The following PSMG4 variants were observed in gnomAD, a reference collection of about 807,000 sequenced individuals.
The protein encoded by PSMG4 is proteasome (prosome, macropain) assembly chaperone 4.
In PSMG4, 10 loss-of-function variants were observed where a neutral mutation model predicts 11.0. That is an observed-to-expected ratio of 0.91 (90% CI 0.56 to 1.54). The LOEUF (loss-of-function observed/expected upper bound fraction) is 1.54, where lower values mean the gene tolerates loss of function less well. Ranked by LOEUF, PSMG4 falls within the 40% of genes most tolerant of loss-of-function variation. The probability of loss-of-function intolerance (pLI) is 0.00; values close to 1 mark genes in which losing one functional copy is unlikely to be tolerated. For missense variants in PSMG4, 198 were observed against 160.9 expected (o/e 1.23, Z -1.25); for synonymous variants, 95 against 71.3 (o/e 1.33, Z -1.68).
Position 3,260,291 on chromosome 6 carries a change from A to ATTTTTTTTTTTTTTTTTTT in PSMG4, c.174+1113_174+1114insTTTTTTTTTTTTTTTTTTT, listed in dbSNP as rs869076629. Among the ~76,000 whole-genome samples, 16 of 70,864 alleles carry ATTTTTTTTTTTTTTTTTTT rather than the reference A, an allele frequency of 2.3e-4. 1 individual carries two copies. Among genetic ancestry groups the ATTTTTTTTTTTTTTTTTTT allele is most frequent in the East Asian group, 4.6e-4 (1 of 2,190 alleles). 46.5% of individuals were successfully genotyped at this position (70,864 alleles called of 152,430 possible). On this transcript the variant is annotated intron_variant, in intron 1 of 2. Transcript: ENST00000438998. ...TGTCTTAAATTGTATATATATATATATTTTTTTTTTTTTTTTTTGAAGCAA... is the reference window on the plus strand; with the variant it reads ...TGTCTTAAATTGTATATATATATATATTTTTTTTTTTTTTTTTTTTTTTTTTTTTTTTTTTTTGAAGCAA...
upstream of PSMG4, chr6:3,255,193 A>G (rs1757716652): frequency 1.9e-6 from 3 of 1,550,460 alleles, no homozygotes; most frequent in Middle Eastern, 1.7e-4. Flanking sequence ...TGGTGGAAGT[A>G]GGATGTTTGG....
At chr6:3,267,046 G>A (rs1249002292) in intron 2 of PSMG4, 6 of 152,042 alleles carry the variant, frequency 3.9e-5, no homozygotes, top group African/African-American at 7.2e-5. Context: ...TAGTAGAGAC[G>A]GGGTTTCAAC....
At chr6:3,264,628 C>T (rs76636348) in intron 2 of PSMG4, 119 of 264,964 alleles carry the variant, frequency 4.5e-4, no homozygotes, top group African/African-American at 2.4e-3. Context: ...AGGGAGGGCA[C>T]AGGTCAGCAT....
upstream of PSMG4, chr6:3,255,330 G>C (rs1304173090): frequency 3.4e-6 from 5 of 1,486,006 alleles, no homozygotes; most frequent in East Asian, 1.2e-4. Flanking sequence ...ACGGCAACTG[G>C]TGGAGTCATT....
At chr6:3,255,693 G>A (rs9503500), upstream of PSMG4, among the ~76,000 whole-genome samples, 8,480 of 152,272 alleles carry the variant, frequency 0.056, 656 homozygotes, top group African/African-American at 0.17. Context: ...TCCCTCCTAT[G>A]GCCAAAAGCA....
intron 2 of PSMG4, chr6:3,264,004 T>TGTCCTTGA: frequency 7.6e-7 from 1 of 1,316,804 alleles, no homozygotes; most frequent in South Asian, 1.5e-5. Context: ...TCCTTGGGTG[T>TGTCCTTGA]GTCCTTGAGT....
upstream of PSMG4, chr6:3,255,272 C>T (rs975528281): frequency 1.6e-5 from 25 of 1,542,948 alleles, no homozygotes; most frequent in African/African-American, 5.5e-5. Flanking sequence ...CCACGGCTGT[C>T]TTACGGGTCT....
chr6:3,255,430 C>T (rs1027775506), upstream of PSMG4, among the ~76,000 whole-genome samples: 21 of 143,158 alleles, frequency 1.5e-4, no homozygotes, highest in African/African-American at 4.6e-4. Flanking sequence ...ACACTCCAGC[C>T]ACATGCCCCT....
chr6:3,259,739 C>T (rs1198030441), intron 1 of PSMG4, among the ~76,000 whole-genome samples: 1 of 152,180 alleles, frequency 6.6e-6, no homozygotes, highest in African/African-American at 2.4e-5. Flanking sequence ...TGCTGAGTCC[C>T]TAGGCACTGC....
chr6:3,255,233 A>G, upstream of PSMG4: 2 of 1,549,440 alleles, frequency 1.3e-6, no homozygotes, highest in South Asian at 2.4e-5. Flanking sequence ...AACTCTGGTA[A>G]GCCTTCCATG....
Position 3,263,642 on chromosome 6 carries a change from G to A in PSMG4, c.175-42G>A, listed in dbSNP as rs954991689. The stretch of plus-strand genomic sequence containing the variant: ...AAGCCAGAAGTGTGGCTGGCCTGCG[G>A]GGGGTGGAGAAGCTGCAGTGTGCCC... On this transcript the variant is annotated intron_variant, in intron 1 of 2. Transcript: ENST00000438998. 10 of 1,472,256 alleles carry A rather than the reference G, an allele frequency of 6.8e-6. No individual in the cohort carries two copies. In the African/African-American group the frequency reaches 1.1e-4, roughly 17 times the overall value. 91.2% of individuals were successfully genotyped at this position (1,472,256 alleles called of 1,614,324 possible).
At chr6:3,261,260 G>A (rs1008076273) in intron 1 of PSMG4, among the ~76,000 whole-genome samples, 8 of 152,058 alleles carry the variant, frequency 5.3e-5, no homozygotes, top group Non-Finnish European at 1.2e-4. Flanking sequence ...TTTCCTGGAG[G>A]GTCCTGGCAG....
Position 3,267,805 on chromosome 6 carries a change from GTTTTGT to G in PSMG4, c.*98_*103del. On this transcript the variant is annotated 3_prime_UTR_variant, in exon 3 of 3. Coordinates refer to ENST00000438998, the MANE Select transcript of PSMG4 (RefSeq NM_001128591.2). The stretch of plus-strand genomic sequence containing the variant: ...CAGTTTGTCATCAGGCCGCGCTCCC[GTTTTGT>G]TTTTAAGGGGTTAATCTTTTGAGCT... 7.4e-7 allele frequency: 1 copy of G among 1,348,484 alleles called. No homozygotes were observed. Among genetic ancestry groups the G allele is most frequent in the Non-Finnish European group, 1.0e-6 (1 of 988,134 alleles). 83.5% of individuals were successfully genotyped at this position (1,348,484 alleles called of 1,614,324 possible). A position where few individuals can be genotyped will look rare whatever the true frequency, so the allele number is the denominator to read the frequency against.
chr6:3,259,428 C>T (rs1013094541), intron 1 of PSMG4, among the ~76,000 whole-genome samples: 1 of 152,268 alleles, frequency 6.6e-6, no homozygotes, highest in Non-Finnish European at 1.5e-5. Context: ...GCAGCTGCGT[C>T]CCGCACTGGT....
upstream of PSMG4, among the ~76,000 whole-genome samples, chr6:3,254,713 G>C (rs9503494): frequency 1.3e-5 from 2 of 152,108 alleles, no homozygotes; most frequent in African/African-American, 4.8e-5. Flanking sequence ...GGATGCGCCT[G>C]GACACCAGAA....
intron 2 of PSMG4, chr6:3,264,519 A>G (rs1186201615): frequency 6.5e-5 from 69 of 1,062,724 alleles, no homozygotes; most frequent in Non-Finnish European, 8.1e-5. Flanking sequence ...CACTGAGGCA[A>G]ATGCACACGA....
rs1201680330 is a variant in PSMG4 at position 3,259,093 on chromosome 6, A to T, written c.71A>T (p.Gln24Leu). The change falls in exon 1 of 3, where the codon CAG (glutamine) becomes CTG (leucine). Residue 24 changes from glutamine to leucine, a missense_variant. Coordinates refer to ENST00000438998, the MANE Select transcript of PSMG4 (RefSeq NM_001128591.2). ...LHNFSARLWE[Q>L]LVHFHVMRLT... ...AACTTCAGCGCGAGGCTGTGGGAGC[A>T]GCTGGTCCACTTCCACGTCATGCGG... 7.9e-7 allele frequency: 1 copy of T among 1,272,954 alleles called. No homozygotes were observed. 78.9% of individuals were successfully genotyped at this position (1,272,954 alleles called of 1,614,324 possible). A position where few individuals can be genotyped will look rare whatever the true frequency, so the allele number is the denominator to read the frequency against.
chr6:3,259,155 C>T lies in PSMG4; in HGVS notation c.133C>T (p.Pro45Ser). 4 of 1,307,946 alleles carry T rather than the reference C, an allele frequency of 3.1e-6. No individual in the cohort carries two copies. Among genetic ancestry groups the T allele is most frequent in the Non-Finnish European group, 2.9e-6 (3 of 1,028,450 alleles). 81.0% of individuals were successfully genotyped at this position (1,307,946 alleles called of 1,614,324 possible). A position where few individuals can be genotyped will look rare whatever the true frequency, so the allele number is the denominator to read the frequency against. Reference protein sequence around the residue: ...DSLFLWVGATPHLRNLAVAMC... With the variant: ...DSLFLWVGATSHLRNLAVAMC... ...GCTGTTCCTGTGGGTGGGGGCCACG[C>T]CGCACCTGCGCAACCTCGCCGTGGC... The change falls in exon 1 of 3, where the codon CCG (proline) becomes TCG (serine). Residue 45 changes from proline to serine, a missense_variant. Coordinates refer to ENST00000438998, the MANE Select transcript of PSMG4 (RefSeq NM_001128591.2).
At chr6:3,255,125 A>G (rs755794763), upstream of PSMG4, 41 of 1,551,030 alleles carry the variant, frequency 2.6e-5, no homozygotes, top group South Asian at 4.4e-4. Context: ...CCAGCTTACC[A>G]CGTATTGGTC....
Sources: gnomAD v4.1 joint callset for allele counts (sites outside exome capture counted in the v4.1 genomes callset) on GRCh38, gnomAD v4.1.1 for gene constraint, MANE v1.5 for transcripts, NCBI Gene and HGNC (gene_info 2026-07-23, HGNC 2026-07-21) for gene names.